RBFOX1: variants seen among roughly 807,000 people sequenced by gnomAD.
The protein encoded by RBFOX1 is RNA binding protein fox-1 homolog 1.
Under a neutral mutation model 57.7 loss-of-function variants are expected in RBFOX1, and 8 were observed. That is an observed-to-expected ratio of 0.14 (90% confidence interval 0.08 to 0.25). The LOEUF (loss-of-function observed/expected upper bound fraction) is 0.25. RBFOX1 is among the 10% of genes least tolerant of loss of function. The pLI is 1.00. For synonymous variants in RBFOX1, 326 were observed against 222.4 expected (o/e 1.47, Z -4.15); for missense variants, 611 against 548.5 (o/e 1.11, Z -1.14).
At chr16:7,534,169 C>G (rs1296817823) in intron 5 of RBFOX1, among the ~76,000 whole-genome samples, 1 of 150,662 alleles carries the variant, frequency 6.6e-6, no homozygotes, top group Non-Finnish European at 1.5e-5. Context: ...TCACTGCAGC[C>G]TCCACCTCCC....
intron 3 of RBFOX1, among the ~76,000 whole-genome samples, chr16:6,728,618 T>A (rs1244696667): frequency 6.6e-6 from 1 of 152,200 alleles, no homozygotes; most frequent in Non-Finnish European, 1.5e-5. Flanking sequence ...TGCCTCATAT[T>A]GGAGCTGCCC....
At chr16:5,705,438 T>A (rs1197830467) in intron 3 of RBFOX1, among the ~76,000 whole-genome samples, 1 of 152,114 alleles carries the variant, frequency 6.6e-6, no homozygotes, top group African/African-American at 2.4e-5. Context: ...ATTTTTTAAT[T>A]TTTTGCGGAG....
intron 3 of RBFOX1, among the ~76,000 whole-genome samples, chr16:7,043,728 T>G (rs906038911): frequency 1.3e-5 from 2 of 152,356 alleles, no homozygotes; most frequent in East Asian, 3.9e-4. Flanking sequence ...ATTCATTTAT[T>G]GTGTGTCTTC....
chr16:6,011,163 C>T (rs780577548), intron 4 of RBFOX1, among the ~76,000 whole-genome samples: 10 of 152,160 alleles, frequency 6.6e-5, no homozygotes, highest in Non-Finnish European at 1.3e-4. Context: ...GGAACATTTT[C>T]GCCCCTGAGG....
intron 1 of RBFOX1, among the ~76,000 whole-genome samples, chr16:6,227,419 C>A (rs577447889): frequency 5.7e-4 from 87 of 152,250 alleles, no homozygotes; most frequent in Admixed American, 2.7e-3. Context: ...TTAGGTGTGA[C>A]AATGGGTCCA....
In RBFOX1 at chr16:6,667,634, C is replaced by T. The variant is rs184364064; in HGVS notation, c.-16+12984C>T. ...CGGTGGCTCATGCCTGGAATCCTAG[C>T]GCTTTTTGGACACAAGTGGGAGGAT... is the stretch of plus-strand genomic sequence containing the variant. On this transcript the variant is annotated intron_variant, in intron 3 of 15. Transcript: ENST00000550418. Among the ~76,000 whole-genome samples, 493 of 152,104 alleles carry T rather than the reference C, an allele frequency of 3.2e-3. 5 individuals carry two copies. The highest frequency in any genetic ancestry group is 0.011 in the African/African-American group (466 of 41,490).
Position 6,981,872 on chromosome 16 carries a change from G to T in RBFOX1, c.-15-70185G>T, listed in dbSNP as rs373683240. Reference sequence around the variant, plus strand: ...TCCAGTCTACACTGATGACATTTAAGTTGATTCCACATCTTGGCTATTGTG... The same window carrying T: ...TCCAGTCTACACTGATGACATTTAATTTGATTCCACATCTTGGCTATTGTG... On this transcript the variant is annotated intron_variant, in intron 3 of 15. Coordinates refer to ENST00000550418, the MANE Select transcript of RBFOX1 (RefSeq NM_018723.4). Among the ~76,000 whole-genome samples, 78 of 152,280 alleles carry T rather than the reference G, an allele frequency of 5.1e-4. 2 individuals are homozygous for T. In the South Asian group the frequency reaches 0.015, roughly 30 times the overall value.
intron 3 of RBFOX1, among the ~76,000 whole-genome samples, chr16:5,765,125 A>G (rs759102170): frequency 6.6e-5 from 10 of 152,148 alleles, no homozygotes; most frequent in Non-Finnish European, 1.3e-4. Context: ...AATTATTGGG[A>G]AGCCCTTGGG....
chr16:7,016,076 G>C (rs896521512), intron 3 of RBFOX1, among the ~76,000 whole-genome samples: 1 of 152,152 alleles, frequency 6.6e-6, no homozygotes, highest in Non-Finnish European at 1.5e-5. Flanking sequence ...CATAAGGCTT[G>C]TTCTTGCCAA....
chr16:5,909,053 G>C (rs145152696), intron 4 of RBFOX1, among the ~76,000 whole-genome samples: 1 of 145,396 alleles, frequency 6.9e-6, no homozygotes, highest in South Asian at 2.3e-4. Flanking sequence ...TTAGTTCATG[G>C]TATTTTATTA....
chr16:6,342,262 G>A lies in RBFOX1; in HGVS notation c.-64+25205G>A, dbSNP rs756714954. On this transcript the variant is annotated intron_variant, in intron 2 of 15. Coordinates refer to ENST00000550418, the MANE Select transcript of RBFOX1 (RefSeq NM_018723.4). ...TGCAGAGCTCCTGGGGAGAGATGGC[G>A]GTGGTCTGGACTAGGATGGCACCAC... Among the ~76,000 whole-genome samples, 8 of 152,288 alleles carry A rather than the reference G, an allele frequency of 5.3e-5. No individual in the cohort carries two copies. In the East Asian group the frequency reaches 7.7e-4, roughly 15 times the overall value.
intron 2 of RBFOX1, among the ~76,000 whole-genome samples, chr16:6,330,108 GTCTGTAGTTTAATACTACATA>G (rs1392632570): frequency 5.9e-5 from 9 of 152,226 alleles, no homozygotes; most frequent in South Asian, 2.1e-4. Flanking sequence ...AATAATGTAT[GTCTGTAGTTTAATACTACATA>G]TCTGTAGTTT....
intron 2 of RBFOX1, among the ~76,000 whole-genome samples, chr16:6,429,864 T>A (rs922604903): frequency 1.3e-5 from 2 of 152,148 alleles, no homozygotes; most frequent in African/African-American, 4.8e-5. Flanking sequence ...ATCCCAGCAC[T>A]TTGGGAGGCC....
At chr16:6,242,059 A>T (rs2097542645) in intron 1 of RBFOX1, among the ~76,000 whole-genome samples, 1 of 152,228 alleles carries the variant, frequency 6.6e-6, no homozygotes, top group African/African-American at 2.4e-5. Flanking sequence ...TTGAAATTGA[A>T]TTCCAGGCAG....
intron 2 of RBFOX1, among the ~76,000 whole-genome samples, chr16:6,578,379 G>T (rs2097477680): frequency 6.6e-6 from 1 of 152,190 alleles, no homozygotes; most frequent in African/African-American, 2.4e-5. Context: ...AGTGTGTTGT[G>T]ATTCATGACC....
intron 4 of RBFOX1, among the ~76,000 whole-genome samples, chr16:7,263,187 A>C (rs2094988978): frequency 6.6e-6 from 1 of 152,210 alleles, no homozygotes; most frequent in Admixed American, 6.5e-5. Flanking sequence ...ATTCTAAGCC[A>C]CTTGATGGCA....
chr16:7,447,961 G>A (rs2098821523), intron 4 of RBFOX1, among the ~76,000 whole-genome samples: 1 of 152,192 alleles, frequency 6.6e-6, no homozygotes, highest in Non-Finnish European at 1.5e-5. Context: ...CCAAAGTACT[G>A]AATCAGGATC....
chr16:6,379,962 A>T (rs532903082), intron 2 of RBFOX1, among the ~76,000 whole-genome samples: 1 of 152,284 alleles, frequency 6.6e-6, no homozygotes, highest in South Asian at 2.1e-4. Context: ...ATGATACAGC[A>T]GTGTTCCCAA....
chr16:7,591,639 G>A (rs1156773511), intron 7 of RBFOX1, among the ~76,000 whole-genome samples: 2 of 152,102 alleles, frequency 1.3e-5, no homozygotes, highest in Admixed American at 6.5e-5. Flanking sequence ...TTCTTCAGTA[G>A]CATTAAAGGT....
Sources: gnomAD v4.1 joint callset for allele counts (sites outside exome capture counted in the v4.1 genomes callset) on GRCh38, gnomAD v4.1.1 for gene constraint, MANE v1.5 for transcripts, NCBI Gene and HGNC (gene_info 2026-07-23, HGNC 2026-07-21) for gene names.